Variants in USP9X observed in about 807,000 individuals in gnomAD.
USP9X encodes ubiquitin specific peptidase 9 X-linked, also known as ubiquitin carboxyl-terminal hydrolase 9X.
USP9X carries 7 observed loss-of-function variants against 190.3 expected under a neutral mutation model. That is an observed-to-expected ratio of 0.04 (90% CI 0.02 to 0.07). The LOEUF is 0.07. USP9X is among the 10% of genes least tolerant of loss of function. USP9X has a pLI of 1.00. For missense variants in USP9X, 1,010 were observed against 1,916.9 expected (o/e 0.53, Z 8.83); for synonymous variants, 645 against 659.5 (o/e 0.98, Z 0.34).
intron 33 of USP9X, 72 bp from the exon 34 acceptor site, chrX:41,214,496 A>G: frequency 2.0e-6 from 2 of 980,139 alleles, no homozygotes; most frequent in Non-Finnish European, 2.7e-6. Context: ...AGGCAAATGT[A>G]GTTTACATTA....
chrX:41,092,220 A>G (rs2061959965), intron 1 of USP9X, among the ~76,000 whole-genome samples: 2 of 111,675 alleles, frequency 1.8e-5, no homozygotes, highest in African/African-American at 6.5e-5. Flanking sequence ...GGTGGAAAGG[A>G]AAAAGGGAGT....
chrX:41,229,065 C>T (rs2063339394), intron 41 of USP9X, 188 bp from the exon 42 acceptor site: 3 of 309,367 alleles, frequency 9.7e-6, no homozygotes, highest in Non-Finnish European at 1.6e-5. Context: ...GATGGCGCCA[C>T]TGCACTCCAG....
At chrX:41,125,871 A>C (rs889887933) in intron 2 of USP9X, among the ~76,000 whole-genome samples, 8 of 110,620 alleles carry the variant, frequency 7.2e-5, no homozygotes, top group Admixed American at 3.8e-4. Context: ...GGAAGTATTA[A>C]ATTGAATGGC....
At chrX:41,095,140 T>TA (rs1178418022) in intron 1 of USP9X, among the ~76,000 whole-genome samples, 3 of 109,876 alleles carry the variant, frequency 2.7e-5, no homozygotes, top group African/African-American at 1.0e-4. Context: ...CACCAGAGGG[T>TA]ATATAAAGAT....
intron 31 of USP9X, among the ~76,000 whole-genome samples, chrX:41,203,113 A>G (rs182183742): frequency 6.7e-4 from 75 of 112,471 alleles, no homozygotes; most frequent in Middle Eastern, 4.6e-3. Flanking sequence ...TGTAGCTGCC[A>G]TATGATTATG....
At chrX:41,087,959 C>G (rs1160553971) in intron 1 of USP9X, among the ~76,000 whole-genome samples, 1 of 111,666 alleles carries the variant, frequency 9.0e-6, no homozygotes, top group African/African-American at 3.3e-5. Context: ...TTATTGGGGT[C>G]TCTAGTTTGG....
chrX:41,165,563 T>C (rs1470232061), intron 15 of USP9X, among the ~76,000 whole-genome samples: 1 of 111,837 alleles, frequency 8.9e-6, no homozygotes, highest in Non-Finnish European at 1.9e-5. Flanking sequence ...CTAAACATGC[T>C]TCTTTCCAAA....
At chrX:41,145,759 A>G (rs1188529832) in intron 11 of USP9X, among the ~76,000 whole-genome samples, 1 of 111,404 alleles carries the variant, frequency 9.0e-6, no homozygotes, top group Non-Finnish European at 1.9e-5. Context: ...TAGATATTTC[A>G]CAGTAGAAGA....
intron 17 of USP9X, 26 bp from the exon 18 acceptor site, chrX:41,167,981 G>A: frequency 8.6e-7 from 1 of 1,167,287 alleles, no homozygotes; most frequent in Non-Finnish European, 1.2e-6. Flanking sequence ...AATTTTAACT[G>A]TGTTTATTTG....
chrX:41,091,533 C>T (rs754857972), intron 1 of USP9X, among the ~76,000 whole-genome samples: 68 of 112,400 alleles, frequency 6.0e-4, no homozygotes, highest in Non-Finnish European at 1.1e-3. Context: ...GTGATAATAT[C>T]CTTAGCACCT....
chrX:41,100,713 C>T (rs1412501893), intron 1 of USP9X, among the ~76,000 whole-genome samples: 2 of 111,221 alleles, frequency 1.8e-5, no homozygotes, highest in Admixed American at 9.6e-5. Context: ...ATGGCGTGAT[C>T]TCAGCTCACT....
At chrX:41,184,176 T>A (rs556287892) in intron 22 of USP9X, 48 bp downstream of exon 22, 1 of 1,139,613 alleles carries the variant, frequency 8.8e-7, no homozygotes, top group East Asian at 3.0e-5. Context: ...TGTTTTTCCT[T>A]TTAAATTTAT....
chrX:41,155,704 T>TA (rs34763929), intron 14 of USP9X, among the ~76,000 whole-genome samples: 21,518 of 111,358 alleles, frequency 0.19, 1,593 homozygotes, highest in Admixed American at 0.27. Context: ...GACTCATTCC[T>TA]TACATCAACT....
chrX:41,095,593 A>G (rs1262456266), intron 1 of USP9X, among the ~76,000 whole-genome samples: 1 of 112,101 alleles, frequency 8.9e-6, no homozygotes, highest in Non-Finnish European at 1.9e-5. Context: ...AACTAGTAGG[A>G]GAGTGTGCAA....
At chrX:41,225,246 GTTT>G (rs1284765614) in intron 41 of USP9X, 109 bp downstream of exon 41, 5 of 661,111 alleles carry the variant, frequency 7.6e-6, no homozygotes, top group Non-Finnish European at 1.2e-5. Context: ...TCTAGTGAAT[GTTT>G]TATCTTAAAC....
In USP9X at chrX:41,185,168, TC is replaced by T. The variant is rs1050483022; in HGVS notation, c.3558+494del. Among the ~76,000 whole-genome samples, 3 of 112,336 alleles carry T rather than the reference TC, an allele frequency of 2.7e-5. No individual in the cohort carries two copies. In the Admixed American group the frequency reaches 2.8e-4, roughly 11 times the overall value. On this transcript the variant is annotated intron_variant, in intron 23 of 44. Transcript: ENST00000378308. ...TGAGAGATCAAACTATGCATTTAAT[TC>T]TAAGTAAAGTTTTATAAACATCATA...
At chrX:41,098,673 A>G (rs2062010947) in intron 1 of USP9X, among the ~76,000 whole-genome samples, 1 of 107,592 alleles carries the variant, frequency 9.3e-6, no homozygotes, top group Admixed American at 1.0e-4. Flanking sequence ...CTCTTGTTTC[A>G]GCCTCCCGAG....
chrX:41,165,698 A>AT (rs1022224125), intron 15 of USP9X, among the ~76,000 whole-genome samples, 174 bp from the exon 16 acceptor site: 23 of 110,050 alleles, frequency 2.1e-4, no homozygotes, highest in African/African-American at 5.3e-4. Flanking sequence ...TCTAGTGGGG[A>AT]TTTTTTTTTA....
At chrX:41,154,579 T>G (rs1391775408) in intron 14 of USP9X, among the ~76,000 whole-genome samples, 1 of 111,964 alleles carries the variant, frequency 8.9e-6, no homozygotes, top group African/African-American at 3.2e-5. Flanking sequence ...TCTACTTGAG[T>G]TACCGCCTCA....
Sources: allele counts gnomAD v4.1 joint callset (sites outside exome capture counted in the v4.1 genomes callset), GRCh38; gene constraint gnomAD v4.1.1; transcripts MANE v1.5; gene names NCBI Gene and HGNC (gene_info 2026-07-23, HGNC 2026-07-21).